PCDHGA3: variants seen among roughly 807,000 people sequenced by gnomAD.
The protein encoded by PCDHGA3 is protocadherin gamma-A3.
A neutral mutation model predicts 58.5 loss-of-function variants in PCDHGA3; 40 were observed. The ratio of observed to expected loss-of-function variants is 0.68; its 90% CI spans 0.53 to 0.89. PCDHGA3 has a LOEUF of 0.89. Among genes scored for constraint, PCDHGA3 ranks in the 40% least tolerant of loss-of-function variants. The probability of loss-of-function intolerance (pLI) is 0.00; values close to 1 mark genes in which losing one functional copy is unlikely to be tolerated. For synonymous variants in PCDHGA3, 530 were observed against 525.7 expected (o/e 1.01, Z -0.11); for missense variants, 1,223 against 1,195.9 (o/e 1.02, Z -0.33).
At chr5:141,391,452 C>T (rs1004301347) in intron 1 of PCDHGA3, 13 of 152,114 alleles carry the variant, frequency 8.5e-5, no homozygotes, top group African/African-American at 3.1e-4. Context: ...AGCTGGAACT[C>T]AGGCTCATGC....
intron 1 of PCDHGA3, chr5:141,366,144 C>A: frequency 6.2e-7 from 1 of 1,614,182 alleles, no homozygotes; most frequent in South Asian, 1.1e-5. Flanking sequence ...GCCTGGCTGT[C>A]CTACCGCCTG....
rs757926227 is a variant in PCDHGA3, at chr5:141,432,889, G to A, written c.2425-61918G>A. 1.6e-5 allele frequency: 26 copies of A among 1,614,180 alleles called. No individual in the cohort carries two copies. In the East Asian group the frequency reaches 5.8e-4, roughly 36 times the overall value. On this transcript the variant is annotated intron_variant, in intron 1 of 3. Transcript: ENST00000253812. This position sits in a 1 kb window ranked among gnomAD's most constrained non-coding sequence, Gnocchi z 6.0. ...GCGTCTTCCTGGCCTTCGTCATCTT[G>A]CTGCTGGCGCTCAGGCTGCGGCGCT...
rs2099391466 is a variant in PCDHGA3, at chr5:141,476,424, C to T, written c.2425-18383C>T. ...GAGGAGCTGTGTGGGACACTGCCCT[C>T]TTGCACTGTAACTCTGGAGTTGGTA... is the stretch of plus-strand genomic sequence containing the variant. On this transcript the variant is annotated intron_variant, in intron 1 of 3. Coordinates refer to ENST00000253812, the MANE Select transcript of PCDHGA3 (RefSeq NM_018916.4). This position sits in a 1 kb window ranked among gnomAD's most constrained non-coding sequence, Gnocchi z 7.6. 1 of 1,613,978 alleles carries T rather than the reference C, an allele frequency of 6.2e-7. No individual in the cohort carries two copies. The highest frequency in any genetic ancestry group is 1.1e-5 in the South Asian group (1 of 91,076).
intron 1 of PCDHGA3, among the ~76,000 whole-genome samples, chr5:141,473,466 G>A (rs1217251844): frequency 1.3e-5 from 2 of 151,738 alleles, no homozygotes; most frequent in East Asian, 1.9e-4. Flanking sequence ...TTAAAGTTGT[G>A]CCAAGTTCAA....
intron 1 of PCDHGA3, chr5:141,355,944 C>A: frequency 6.2e-7 from 1 of 1,613,864 alleles, no homozygotes; most frequent in Non-Finnish European, 8.5e-7. Context: ...CCGAGTACCA[C>A]GTAAGTGTTC....
At chr5:141,419,024 G>A (rs1423033793) in intron 1 of PCDHGA3, 2 of 1,613,874 alleles carry the variant, frequency 1.2e-6, no homozygotes, top group Admixed American at 1.7e-5. Flanking sequence ...CTTAAGTAGA[G>A]GTGTTCCATT....
intron 1 of PCDHGA3, chr5:141,377,128 G>A (rs1175570742): frequency 6.6e-6 from 1 of 152,206 alleles, no homozygotes; most frequent in Admixed American, 6.5e-5. Context: ...TCTTAATTTT[G>A]TGGGGGAAAA....
chr5:141,383,137 C>T, intron 1 of PCDHGA3: 1 of 1,614,112 alleles, frequency 6.2e-7, no homozygotes, highest in Non-Finnish European at 8.5e-7. Context: ...CCTGAACCAG[C>T]GCAGCGGCAG....
chr5:141,432,395 G>C lies in PCDHGA3; in HGVS notation c.2425-62412G>C, dbSNP rs748660079. The C allele has an allele frequency of 1.2e-6, 2 of 1,614,242 alleles. No homozygotes were observed. The highest frequency in any genetic ancestry group is 4.5e-5 in the East Asian group (2 of 44,882). On this transcript the variant is annotated intron_variant, in intron 1 of 3. Coordinates refer to ENST00000253812, the MANE Select transcript of PCDHGA3 (RefSeq NM_018916.4). The surrounding 1 kb of genome is among the most constrained non-coding windows in gnomAD (Gnocchi z 6.0). The stretch of plus-strand genomic sequence containing the variant: ...CGGGCACCCGCCCCTCAGCAGCAAC[G>C]TGTCGTTGAGCCTGTTCGTGCTGGA...
chr5:141,430,855 C>T, intron 1 of PCDHGA3: 7 of 1,588,596 alleles, frequency 4.4e-6, no homozygotes, highest in Non-Finnish European at 6.0e-6. Context: ...CCCAGATACG[C>T]TATTCAGTTC....
chr5:141,413,909 T>A (rs772084941), intron 1 of PCDHGA3: 1 of 1,613,316 alleles, frequency 6.2e-7, no homozygotes. Flanking sequence ...AACGCGCCGG[T>A]CTTCACCTTG....
chr5:141,385,141 G>A (rs1183220869), intron 1 of PCDHGA3: 30 of 1,614,084 alleles, frequency 1.9e-5, no homozygotes, highest in African/African-American at 6.7e-5. Context: ...CGGGGTGCAG[G>A]CTTTCCTGCA....
In PCDHGA3 at chr5:141,485,935, C is replaced by T. The variant is rs2099621642; in HGVS notation, c.2425-8872C>T. The T allele has an allele frequency of 6.2e-7, 1 of 1,614,026 alleles. No homozygotes were observed. Among genetic ancestry groups the T allele is most frequent in the Non-Finnish European group, 8.5e-7 (1 of 1,180,038 alleles). On this transcript the variant is annotated intron_variant, in intron 1 of 3. Coordinates refer to ENST00000253812, the MANE Select transcript of PCDHGA3 (RefSeq NM_018916.4). The surrounding 1 kb of genome is among the most constrained non-coding windows in gnomAD (Gnocchi z 5.7). Reference sequence around the variant, plus strand: ...GCTACAGGATTAGTGTGTTGGAGAGCGCACCAGCGGGCATGGTGCTCATCC... The same window carrying T: ...GCTACAGGATTAGTGTGTTGGAGAGTGCACCAGCGGGCATGGTGCTCATCC...
chr5:141,350,806 T>C, intron 1 of PCDHGA3: 1 of 1,613,990 alleles, frequency 6.2e-7, no homozygotes, highest in Non-Finnish European at 8.5e-7. Flanking sequence ...CGAAGGAAAG[T>C]CCTGATGGAA....
intron 1 of PCDHGA3, among the ~76,000 whole-genome samples, chr5:141,425,036 G>A (rs574813328): frequency 1.3e-5 from 2 of 152,238 alleles, no homozygotes; most frequent in East Asian, 3.9e-4. Context: ...GTCATTAGTT[G>A]TAAACTGACT....
chr5:141,427,820 G>A (rs2097075272), intron 1 of PCDHGA3: 2 of 1,532,144 alleles, frequency 1.3e-6, no homozygotes, highest in East Asian at 4.5e-5. Flanking sequence ...GCGGGGTGGT[G>A]GTCGCGCAGC....
intron 1 of PCDHGA3, chr5:141,370,212 C>T (rs1028005275): frequency 4.8e-5 from 27 of 562,604 alleles, no homozygotes; most frequent in Middle Eastern, 4.6e-4. Context: ...ATATTGGCTC[C>T]TCCCGCTGCA....
intron 1 of PCDHGA3, chr5:141,376,306 G>A (rs1772539310): frequency 6.2e-7 from 1 of 1,614,202 alleles, no homozygotes; most frequent in East Asian, 2.2e-5. Flanking sequence ...CGCACTTTGT[G>A]GGCGTGGAAG....
chr5:141,462,552 T>G (rs966816379), intron 1 of PCDHGA3, among the ~76,000 whole-genome samples: 4 of 152,194 alleles, frequency 2.6e-5, no homozygotes, highest in African/African-American at 9.6e-5. Context: ...TCTTCTTCAG[T>G]GTTTACTGTA....
Sources: allele counts gnomAD v4.1 joint callset (sites outside exome capture counted in the v4.1 genomes callset), GRCh38; gene constraint gnomAD v4.1.1; non-coding constraint Gnocchi (gnomAD v3.1); transcripts MANE v1.5; gene names NCBI Gene and HGNC (gene_info 2026-07-23, HGNC 2026-07-21).